Variants in DENND2A observed in about 807,000 individuals in gnomAD.
DENND2A encodes DENN domain containing 2A.
DENND2A carries 53 observed loss-of-function variants against 105.3 expected under a neutral mutation model. The ratio of observed to expected loss-of-function variants is 0.50; its 90% CI spans 0.40 to 0.63. DENND2A has a LOEUF of 0.63. Among genes scored for constraint, DENND2A ranks in the 30% least tolerant of loss-of-function variants. DENND2A has a pLI of 0.00. For missense variants in DENND2A, 1,138 were observed against 1,279.6 expected (o/e 0.89, Z 1.69); for synonymous variants, 522 against 508.4 (o/e 1.03, Z -0.36).
Position 140,562,644 on chromosome 7 carries a change from A to G in DENND2A, c.1780-2827T>C, listed in dbSNP as rs542314229. ...GCCGCAGCACTCCAGCCTGGGTGACAAAGGGAGGCTCCGTCTCAAAACAAA... is the reference window on the plus strand; with the variant it reads ...GCCGCAGCACTCCAGCCTGGGTGACGAAGGGAGGCTCCGTCTCAAAACAAA... On this transcript the variant is annotated intron_variant, in intron 9 of 19. Transcript: ENST00000496613. 2.7e-5 allele frequency among the ~76,000 whole-genome samples: 4 copies of G among 147,852 alleles called. No homozygotes were observed. The South Asian group carries it at 9.1e-4, about 34-fold the overall frequency.
At chr7:140,639,147 T>C (rs1048128050) in intron 1 of DENND2A, among the ~76,000 whole-genome samples, 1 of 151,482 alleles carries the variant, frequency 6.6e-6, no homozygotes, top group Admixed American at 6.6e-5. Context: ...GGGTCAGCAG[T>C]TCAAGACCAG....
intron 14 of DENND2A, among the ~76,000 whole-genome samples, chr7:140,528,134 C>G (rs1245360076): frequency 6.6e-6 from 1 of 152,084 alleles, no homozygotes; most frequent in Non-Finnish European, 1.5e-5. Flanking sequence ...AGCCACCATG[C>G]CTGGACTCTT....
chr7:140,614,830 T>G (rs1315351541), intron 1 of DENND2A, among the ~76,000 whole-genome samples: 1 of 152,032 alleles, frequency 6.6e-6, no homozygotes, highest in Non-Finnish European at 1.5e-5. Context: ...CATTCTGGAG[T>G]CTTGATGCTT....
chr7:140,639,781 C>T (rs982373848), intron 1 of DENND2A, among the ~76,000 whole-genome samples: 1 of 152,154 alleles, frequency 6.6e-6, no homozygotes, highest in Non-Finnish European at 1.5e-5. Flanking sequence ...CTGCACTTCC[C>T]TTGCCCAATT....
chr7:140,610,339 A>C (rs1443699624), intron 1 of DENND2A, among the ~76,000 whole-genome samples: 1 of 151,524 alleles, frequency 6.6e-6, no homozygotes. Flanking sequence ...TCAATTTTTA[A>C]TCCTGTTGGG....
At position 140,522,173 on chromosome 7, in the gene DENND2A, T is replaced by C. The variant is rs142586390; in HGVS notation, c.2666-73A>G. The C allele has an allele frequency of 9.3e-5, 146 of 1,567,070 alleles. No homozygotes were observed. In the African/African-American group the frequency reaches 1.6e-3, roughly 17 times the overall value. ...GGCCAGAGCCCTTGAGACAAGCCAA[T>C]TGGTAATCAAAGAACAGTAACTGCT... On this transcript the variant is annotated intron_variant, in intron 17 of 19. Coordinates refer to ENST00000496613, the MANE Select transcript of DENND2A (RefSeq NM_015689.5).
At chr7:140,597,342 T>C (rs1799320882) in intron 3 of DENND2A, among the ~76,000 whole-genome samples, 1 of 152,200 alleles carries the variant, frequency 6.6e-6, no homozygotes, top group East Asian at 1.9e-4. Context: ...TTGGTTTGGC[T>C]TTCCTCCCTC....
chr7:140,594,647 G>A (rs919394502), intron 3 of DENND2A, among the ~76,000 whole-genome samples: 4 of 152,182 alleles, frequency 2.6e-5, no homozygotes, highest in Non-Finnish European at 4.4e-5. Flanking sequence ...CGTCTATCTC[G>A]CTCATTATTA....
intron 5 of DENND2A, among the ~76,000 whole-genome samples, chr7:140,578,710 G>A (rs1365553869): frequency 2.0e-5 from 3 of 151,768 alleles, no homozygotes; most frequent in African/African-American, 2.4e-5. Context: ...GCGAAACCCC[G>A]TCTCTACTAA....
chr7:140,548,859 C>G (rs1797007506), intron 12 of DENND2A, among the ~76,000 whole-genome samples: 1 of 151,868 alleles, frequency 6.6e-6, no homozygotes, highest in Non-Finnish European at 1.5e-5. Context: ...GTGATCCACC[C>G]ACCTCGGCTT....
chr7:140,521,887 T>C lies in DENND2A; in HGVS notation c.2879A>G (p.Gln960Arg), dbSNP rs576841801. 54 of 1,614,110 alleles carry C rather than the reference T, an allele frequency of 3.3e-5. No homozygotes were observed. In the East Asian group the frequency reaches 1.1e-3, roughly 33 times the overall value. The change falls in exon 18 of 20, where the codon CAG becomes CGG. Residue 960 changes from glutamine (Q) to arginine (R), a missense_variant. Around this residue, in one of 2 missense-constraint regions of DENND2A, gnomAD observed 627 missense variants for 779.8 expected, o/e 0.80. Transcript: ENST00000496613. ...ATCCTGCCGGCGCAGCTCCCGCTCCTGGATGAAGCCCCGAAACATCTGAGT... is the reference window on the plus strand; with the variant it reads ...ATCCTGCCGGCGCAGCTCCCGCTCCCGGATGAAGCCCCGAAACATCTGAGT... ...METQMFRGFI[Q>R]ERELRRQDAK...
intron 12 of DENND2A, among the ~76,000 whole-genome samples, chr7:140,548,452 T>G (rs1171794901): frequency 1.1e-4 from 16 of 151,210 alleles, no homozygotes; most frequent in Admixed American, 9.9e-4. Flanking sequence ...AGCCCAGGAA[T>G]TTGAGGCTGC....
At chr7:140,579,533 C>T (rs563462028) in intron 5 of DENND2A, among the ~76,000 whole-genome samples, 1 of 151,832 alleles carries the variant, frequency 6.6e-6, no homozygotes, top group South Asian at 2.1e-4. Context: ...GCTGGGATTA[C>T]AGGCGCACAC....
chr7:140,572,199 G>C lies in DENND2A; in HGVS notation c.1446+1609C>G, dbSNP rs185744128. ...TTTAAATTTTTTTTGTAGAGATGGG[G>C]TTCCACCATGTTGCCCAGGCTGGTC... On this transcript the variant is annotated intron_variant, in intron 6 of 19. Transcript: ENST00000496613. Among the ~76,000 whole-genome samples the C allele has an allele frequency of 3.1e-4, 47 of 151,794 alleles. No individual in the cohort carries two copies. In the Middle Eastern group the frequency reaches 0.017, roughly 55 times the overall value.
At chr7:140,628,953 A>G (rs1255573127) in intron 1 of DENND2A, among the ~76,000 whole-genome samples, 2 of 152,202 alleles carry the variant, frequency 1.3e-5, no homozygotes, top group Non-Finnish European at 2.9e-5. Flanking sequence ...GGAATACACA[A>G]GTATAAAAAA....
chr7:140,624,063 G>C (rs912321585), intron 1 of DENND2A, among the ~76,000 whole-genome samples: 1 of 152,218 alleles, frequency 6.6e-6, no homozygotes, highest in African/African-American at 2.4e-5. Context: ...GCAGAGTCCG[G>C]ATGAGCAGAA....
chr7:140,573,950 A>C lies in DENND2A; in HGVS notation c.1304T>G (p.Leu435Arg). 2 of 1,614,202 alleles carry C rather than the reference A, an allele frequency of 1.2e-6. No individual in the cohort carries two copies. Among genetic ancestry groups the C allele is most frequent in the Non-Finnish European group, 1.7e-6 (2 of 1,180,038 alleles). Residue 435 changes from leucine (L) to arginine (R), a missense_variant, in exon 6 of 20, where the codon CTG becomes CGG. By Grantham distance (102) the Leu-to-Arg change is moderately radical. Coordinates refer to ENST00000496613, the MANE Select transcript of DENND2A (RefSeq NM_015689.5). ...RQNSERRNFK[L>R]LDTRKLSRDG... is the part of the protein sequence containing the mutation. ...CCGACTCAGCTTCCTAGTGTCCAGC[A>C]GCTTGAAGTTCCTCCTCTCTGAATT...
chr7:140,609,607 A>AT (rs1471047151), intron 1 of DENND2A, among the ~76,000 whole-genome samples: 5 of 152,310 alleles, frequency 3.3e-5, no homozygotes, highest in Middle Eastern at 6.8e-3. Flanking sequence ...GAGTTCATAT[A>AT]TTTTTTGTAG....
At chr7:140,615,133 C>T (rs1029729591) in intron 1 of DENND2A, among the ~76,000 whole-genome samples, 6 of 152,154 alleles carry the variant, frequency 3.9e-5, no homozygotes, top group East Asian at 1.9e-4. Context: ...TTCCAAAGTG[C>T]TGGGATTACA....
Sources: gnomAD v4.1 joint callset for allele counts (sites outside exome capture counted in the v4.1 genomes callset) on GRCh38, gnomAD v4.1.1 for gene constraint, gnomAD v4.1.1 regional missense constraint, MANE v1.5 for transcripts, NCBI Gene and HGNC (gene_info 2026-07-23, HGNC 2026-07-21) for gene names.